The following BABAM2 variants were observed in gnomAD, a reference collection of about 807,000 sequenced individuals.
BABAM2 encodes BRISC and BRCA1-A complex member 2.
In BABAM2, 31 loss-of-function variants were observed where a neutral mutation model predicts 54.7. The observed-to-expected ratio is 0.57, with a 90% confidence interval of 0.43 to 0.77. The LOEUF (loss-of-function observed/expected upper bound fraction) is 0.77, where lower values mean the gene tolerates loss of function less well. Ranked by LOEUF, BABAM2 falls within the 30% of genes least tolerant of loss-of-function variation. The pLI is 0.00. For synonymous variants in BABAM2, 167 were observed against 162.9 expected, an observed-to-expected ratio of 1.03 and a Z score of -0.19; for missense variants, 364 against 455.8, an observed-to-expected ratio of 0.80 and a Z score of 1.83.
intron 6 of BABAM2, among the ~76,000 whole-genome samples, chr2:28,078,551 T>C (rs1407183881): frequency 1.3e-5 from 2 of 152,128 alleles, no homozygotes; most frequent in Non-Finnish European, 2.9e-5. Context: ...ATATAGGGGG[T>C]TTGATGCTAT....
At chr2:27,902,576 C>G (rs1470971243) in intron 2 of BABAM2, among the ~76,000 whole-genome samples, 1 of 152,136 alleles carries the variant, frequency 6.6e-6, no homozygotes, top group African/African-American at 2.4e-5. Context: ...TTTTGCCAAG[C>G]TGATGAGATG....
At chr2:28,246,433 A>G (rs914506078) in intron 10 of BABAM2, among the ~76,000 whole-genome samples, 14 of 152,170 alleles carry the variant, frequency 9.2e-5, no homozygotes, top group African/African-American at 2.6e-4. Context: ...TTGCTTCCTT[A>G]ATTTATTCAT....
chr2:28,240,544 A>G (rs866445273), intron 8 of BABAM2, among the ~76,000 whole-genome samples: 1 of 152,220 alleles, frequency 6.6e-6, no homozygotes, highest in South Asian at 2.1e-4. Flanking sequence ...TTAAAAACAA[A>G]TGGCTGATCC....
At chr2:28,043,516 C>A (rs180779161) in intron 5 of BABAM2, among the ~76,000 whole-genome samples, 248 of 152,310 alleles carry the variant, frequency 1.6e-3, no homozygotes, top group African/African-American at 5.8e-3. Flanking sequence ...TCCTTCTACA[C>A]TCCCAGATTC....
chr2:28,013,814 G>A (rs72812561), intron 4 of BABAM2, among the ~76,000 whole-genome samples: 2 of 151,568 alleles, frequency 1.3e-5, no homozygotes, highest in South Asian at 4.2e-4. Context: ...CAAGATAAAG[G>A]AGGGGCAGAA....
At chr2:28,025,996 T>G (rs140797059) in intron 5 of BABAM2, among the ~76,000 whole-genome samples, 2 of 152,262 alleles carry the variant, frequency 1.3e-5, no homozygotes, top group Non-Finnish European at 2.9e-5. Context: ...TATAAAAAAC[T>G]CTATATGGAG....
In BABAM2 at chr2:28,068,207, C is replaced by T. The variant is rs988920177; in HGVS notation, c.570+22408C>T. ...TACCGTAATAAAGAATAGGAACAGA[C>T]TTCTGATTATGTAATAGCCTGCAAT... On this transcript the variant is annotated intron_variant, in intron 6 of 11. Transcript: ENST00000379624. Among the ~76,000 whole-genome samples, 4 of 152,142 alleles carry T rather than the reference C, an allele frequency of 2.6e-5. No individual in the cohort carries two copies. In the East Asian group the frequency reaches 7.7e-4, roughly 29 times the overall value.
At chr2:28,280,267 C>T (rs545138185) in intron 10 of BABAM2, among the ~76,000 whole-genome samples, 2 of 151,590 alleles carry the variant, frequency 1.3e-5, no homozygotes, top group South Asian at 4.2e-4. Flanking sequence ...TGCCATGTTG[C>T]CCAGGCTAGT....
At chr2:28,160,395 A>C (rs1159478823) in intron 7 of BABAM2, among the ~76,000 whole-genome samples, 1 of 152,116 alleles carries the variant, frequency 6.6e-6, no homozygotes, top group Non-Finnish European at 1.5e-5. Flanking sequence ...GGTATGTATT[A>C]ATTTATCTTA....
intron 10 of BABAM2, among the ~76,000 whole-genome samples, chr2:28,277,209 G>A (rs1376626085): frequency 5.3e-5 from 8 of 152,112 alleles, no homozygotes; most frequent in South Asian, 4.1e-4. Context: ...GGGTTCAAGC[G>A]ATTCTCCTGC....
chr2:28,046,412 A>G (rs916451298), intron 6 of BABAM2, among the ~76,000 whole-genome samples: 1 of 152,156 alleles, frequency 6.6e-6, no homozygotes, highest in Non-Finnish European at 1.5e-5. Flanking sequence ...GTGACCCAAG[A>G]TCGAGCCACT....
intron 11 of BABAM2, among the ~76,000 whole-genome samples, chr2:28,310,967 G>C (rs370773363): frequency 2.0e-4 from 30 of 151,754 alleles, no homozygotes; most frequent in African/African-American, 7.2e-4. Context: ...GCCCTTTCAA[G>C]AACAATTGAG....
chr2:27,913,028 C>G (rs567278422), intron 2 of BABAM2, among the ~76,000 whole-genome samples: 1 of 152,164 alleles, frequency 6.6e-6, no homozygotes, highest in East Asian at 1.9e-4. Flanking sequence ...ATCCAAGGAC[C>G]TTCAGCATCT....
chr2:28,108,999 A>G (rs1327109873), intron 6 of BABAM2, among the ~76,000 whole-genome samples: 1 of 152,092 alleles, frequency 6.6e-6, no homozygotes, highest in Non-Finnish European at 1.5e-5. Context: ...TGAAATCAAG[A>G]GTTACAAACT....
intron 6 of BABAM2, among the ~76,000 whole-genome samples, chr2:28,083,861 G>A (rs1665399844): frequency 6.6e-6 from 1 of 152,146 alleles, no homozygotes; most frequent in Non-Finnish European, 1.5e-5. Flanking sequence ...TGAGCACAGT[G>A]ACCTGTGTTA....
chr2:28,273,955 C>A (rs879792593), intron 10 of BABAM2, among the ~76,000 whole-genome samples: 1 of 152,172 alleles, frequency 6.6e-6, no homozygotes, highest in Non-Finnish European at 1.5e-5. Context: ...AAGGGGAAGG[C>A]GTCATGTGCT....
chr2:28,083,990 G>A (rs1377343938), intron 6 of BABAM2, among the ~76,000 whole-genome samples: 2 of 152,122 alleles, frequency 1.3e-5, no homozygotes, highest in Non-Finnish European at 2.9e-5. Context: ...TTATACACTT[G>A]GTTCTAACCA....
At chr2:28,020,826 CTA>C (rs956641322) in intron 4 of BABAM2, among the ~76,000 whole-genome samples, 7 of 152,038 alleles carry the variant, frequency 4.6e-5, no homozygotes, top group East Asian at 1.9e-4. Context: ...ACAAATGACT[CTA>C]TGTGTATTTC....
chr2:28,138,583 C>G (rs1670746836), intron 7 of BABAM2, among the ~76,000 whole-genome samples: 1 of 152,154 alleles, frequency 6.6e-6, no homozygotes, highest in South Asian at 2.1e-4. Flanking sequence ...TTGTCTCATG[C>G]TAGAATAGTC....
Sources: gnomAD v4.1 joint callset for allele counts (sites outside exome capture counted in the v4.1 genomes callset) on GRCh38, gnomAD v4.1.1 for gene constraint, MANE v1.5 for transcripts, NCBI Gene and HGNC (gene_info 2026-07-23, HGNC 2026-07-21) for gene names.